DCHS2: variants seen among roughly 807,000 people sequenced by gnomAD.
DCHS2 encodes protocadherin-23.
In DCHS2, 142 loss-of-function variants were observed where a neutral mutation model predicts 182.4. The ratio of observed to expected loss-of-function variants is 0.78; its 90% CI spans 0.68 to 0.89. The LOEUF (loss-of-function observed/expected upper bound fraction) is 0.89, where lower values mean the gene tolerates loss of function less well. Among genes scored for constraint, DCHS2 ranks in the 40% least tolerant of loss-of-function variants. DCHS2 has a pLI of 0.00. For synonymous variants in DCHS2, 1,740 were observed against 1,663.3 expected, an observed-to-expected ratio of 1.05 and a Z score of -1.12; for missense variants, 4,319 against 4,198.6, an observed-to-expected ratio of 1.03 and a Z score of -0.79.
intron 1 of DCHS2, among the ~76,000 whole-genome samples, chr4:154,445,428 C>T (rs1168403906): frequency 1.3e-5 from 2 of 152,164 alleles, no homozygotes. Flanking sequence ...TTGTTCTTAA[C>T]GTATAATTCG....
intron 13 of DCHS2, among the ~76,000 whole-genome samples, chr4:154,291,329 T>C (rs1734650638): frequency 1.3e-5 from 2 of 152,088 alleles, no homozygotes; most frequent in South Asian, 2.1e-4. Context: ...GGAATCCTTA[T>C]ACGCTGTTGG....
In DCHS2 at chr4:154,320,759, T is replaced by G; in HGVS notation, c.4640A>C (p.Gln1547Pro). The G allele has an allele frequency of 6.2e-7, 1 of 1,614,114 alleles. No individual in the cohort carries two copies. The highest frequency in any genetic ancestry group is 8.5e-7 in the Non-Finnish European group (1 of 1,180,010). ...DDGSFLNSRI[Q>P]YYIESHNPGT... The stretch of plus-strand genomic sequence containing the variant: ...AGGGTTGTGGGATTCAATGTAGTAT[T>G]GTATTCTACTGTTCAAAAAACTGCC... The change falls in exon 9 of 20, where the codon CAA (glutamine) becomes CCA (proline). Residue 1547 changes from glutamine to proline, a missense_variant. Gln to Pro is a moderately conservative substitution (Grantham distance 76, BLOSUM62 -1). Coordinates refer to ENST00000357232, the MANE Select transcript of DCHS2 (RefSeq NM_001358235.2).
rs141125501 is a variant in DCHS2 at position 154,235,060 on chromosome 4, C to T, written c.9592G>A (p.Ala3198Thr). 56 of 1,613,820 alleles carry T rather than the reference C, an allele frequency of 3.5e-5. No homozygotes were observed. The African/African-American group carries it at 6.4e-4, about 18-fold the overall frequency. ...AAGACAGACTCTTTTCTAACGTCAGCCAGGATGCTCTCTTTTGCCTCTCTC... is the reference window on the plus strand; with the variant it reads ...AAGACAGACTCTTTTCTAACGTCAGTCAGGATGCTCTCTTTTGCCTCTCTC... The part of the protein sequence containing the change: ...QKREAKESIL[A>T]DVRKESVFIS... Residue 3198 changes from alanine (A) to threonine (T), a missense_variant, in exon 20 of 20, where the codon GCT becomes ACT. Transcript: ENST00000357232.
intron 1 of DCHS2, among the ~76,000 whole-genome samples, chr4:154,419,947 T>C (rs1337495471): frequency 6.6e-6 from 1 of 151,846 alleles, no homozygotes; most frequent in Admixed American, 6.6e-5. Context: ...TCAGAGTATA[T>C]CCTGGAGTCC....
chr4:154,453,562 A>G (rs1734630787), intron 1 of DCHS2, among the ~76,000 whole-genome samples: 1 of 152,102 alleles, frequency 6.6e-6, no homozygotes, highest in South Asian at 2.1e-4. Flanking sequence ...TTCCTGCTCA[A>G]TGGTTGACTC....
intron 13 of DCHS2, among the ~76,000 whole-genome samples, chr4:154,295,660 G>A (rs1734895092): frequency 6.6e-6 from 1 of 152,160 alleles, no homozygotes; most frequent in South Asian, 2.1e-4. Flanking sequence ...ATAGATTTGG[G>A]ACAGAAAGAT....
At chr4:154,453,377 T>G (rs1287519313) in intron 1 of DCHS2, among the ~76,000 whole-genome samples, 2 of 151,410 alleles carry the variant, frequency 1.3e-5, no homozygotes, top group East Asian at 3.9e-4. Context: ...GAGGGTTATA[T>G]TTAGGAAATC....
At chr4:154,330,837 C>T (rs1736490230) in intron 5 of DCHS2, among the ~76,000 whole-genome samples, 1 of 151,674 alleles carries the variant, frequency 6.6e-6, no homozygotes, top group Non-Finnish European at 1.5e-5. Context: ...AGATCATACA[C>T]ACAATTGCTT....
chr4:154,437,159 G>A (rs573876611), intron 1 of DCHS2, among the ~76,000 whole-genome samples: 1 of 152,202 alleles, frequency 6.6e-6, no homozygotes, highest in East Asian at 1.9e-4. Context: ...ACCAGCCTTA[G>A]ACAGTTCACC....
At chr4:154,259,912 TC>T (rs1355775795) in intron 14 of DCHS2, among the ~76,000 whole-genome samples, 156 bp from the exon 15 acceptor site, 1 of 152,144 alleles carries the variant, frequency 6.6e-6, no homozygotes, top group East Asian at 1.9e-4. Flanking sequence ...AACCTACGCC[TC>T]CCGGGTTCAA....
At chr4:154,258,963 T>C (rs1437794320) in intron 15 of DCHS2, among the ~76,000 whole-genome samples, 1 of 152,080 alleles carries the variant, frequency 6.6e-6, no homozygotes, top group African/African-American at 2.4e-5. Flanking sequence ...AAAAACTCAA[T>C]TCAATAGTGG....
intron 1 of DCHS2, among the ~76,000 whole-genome samples, chr4:154,467,434 T>C (rs1383739769): frequency 6.6e-6 from 1 of 152,148 alleles, no homozygotes; most frequent in Admixed American, 6.5e-5. Context: ...TTTAAGTGGC[T>C]TTAACTCTAA....
At chr4:154,257,666 G>C (rs1484720369) in intron 15 of DCHS2, among the ~76,000 whole-genome samples, 4 of 152,166 alleles carry the variant, frequency 2.6e-5, no homozygotes. Context: ...AGGGCATTGA[G>C]CAATGTGGGG....
At chr4:154,426,841 G>C (rs1192684608) in intron 1 of DCHS2, among the ~76,000 whole-genome samples, 1 of 151,894 alleles carries the variant, frequency 6.6e-6, no homozygotes, top group East Asian at 1.9e-4. Flanking sequence ...ATAACACAAA[G>C]AAAGGATAAA....
At chr4:154,417,349 T>C (rs146228335) in intron 1 of DCHS2, among the ~76,000 whole-genome samples, 1 of 152,234 alleles carries the variant, frequency 6.6e-6, no homozygotes, top group Non-Finnish European at 1.5e-5. Flanking sequence ...TCAGGATTAG[T>C]AGCCTTACCA....
intron 1 of DCHS2, among the ~76,000 whole-genome samples, chr4:154,488,208 C>T (rs1295233020): frequency 7.1e-5 from 8 of 112,194 alleles, no homozygotes; most frequent in African/African-American, 1.5e-4. Context: ...AATAGGAAAT[C>T]GGAAGCAAAA....
At chr4:154,276,722 T>C (rs1733868943) in intron 13 of DCHS2, among the ~76,000 whole-genome samples, 3 of 152,210 alleles carry the variant, frequency 2.0e-5, no homozygotes, top group African/African-American at 4.8e-5. Context: ...ACCCCAGACC[T>C]TGCTGCACAA....
chr4:154,349,719 A>AT (rs1010061637), intron 3 of DCHS2, among the ~76,000 whole-genome samples: 4 of 152,164 alleles, frequency 2.6e-5, no homozygotes, highest in Non-Finnish European at 5.9e-5. Context: ...AAACTCATGC[A>AT]TTTTTTGTGT....
intron 1 of DCHS2, among the ~76,000 whole-genome samples, chr4:154,383,755 T>G (rs931994305): frequency 1.3e-5 from 2 of 152,068 alleles, no homozygotes; most frequent in African/African-American, 2.4e-5. Context: ...AAAGGCATGA[T>G]GTAACAGGGT....
Sources: allele counts gnomAD v4.1 joint callset (sites outside exome capture counted in the v4.1 genomes callset), GRCh38; gene constraint gnomAD v4.1.1; transcripts MANE v1.5; gene names NCBI Gene and HGNC (gene_info 2026-07-23, HGNC 2026-07-21).